Variants in SORCS3 observed in about 807,000 individuals in gnomAD.
The protein encoded by SORCS3 is VPS10 domain-containing receptor SorCS3.
A neutral mutation model predicts 146.3 loss-of-function variants in SORCS3; 57 were observed. That is an observed-to-expected ratio of 0.39 (90% CI 0.31 to 0.49). The LOEUF (loss-of-function observed/expected upper bound fraction) is 0.49, where lower values mean the gene tolerates loss of function less well. Among genes scored for constraint, SORCS3 ranks in the 20% least tolerant of loss-of-function variants. The pLI is 0.92. For synonymous variants in SORCS3, 653 were observed against 618.5 expected (o/e 1.06, Z -0.83); for missense variants, 1,341 against 1,575.5 (o/e 0.85, Z 2.52).
intron 1 of SORCS3, among the ~76,000 whole-genome samples, chr10:104,818,408 C>CCTTCCTTCCTTCCTTCCTTCCTTCCT (rs1564690841): frequency 1.3e-5 from 2 of 150,618 alleles, no homozygotes; most frequent in African/African-American, 2.5e-5. Flanking sequence ...TTCCTTCTTT[C>CCTTCCTTCCTTCCTTCCTTCCTTCCT]TCTCTTTTTT....
intron 7 of SORCS3, among the ~76,000 whole-genome samples, chr10:105,130,237 G>A (rs531272684): frequency 6.6e-6 from 1 of 152,188 alleles, no homozygotes; most frequent in African/African-American, 2.4e-5. Flanking sequence ...TGGTATGAGC[G>A]GGATTTAAAC....
intron 1 of SORCS3, among the ~76,000 whole-genome samples, chr10:104,742,991 T>C (rs1018808619): frequency 1.3e-5 from 2 of 152,252 alleles, no homozygotes; most frequent in Admixed American, 6.5e-5. Flanking sequence ...TAATAATTCT[T>C]GAAATCAGAA....
chr10:105,152,317 T>A (rs2056173475), intron 9 of SORCS3, among the ~76,000 whole-genome samples: 1 of 152,186 alleles, frequency 6.6e-6, no homozygotes, highest in Non-Finnish European at 1.5e-5. Flanking sequence ...TTTTATAAAG[T>A]AAAAAACAAA....
intron 25 of SORCS3, among the ~76,000 whole-genome samples, chr10:105,258,780 G>T (rs1253285963): frequency 6.6e-6 from 1 of 152,100 alleles, no homozygotes; most frequent in Non-Finnish European, 1.5e-5. Flanking sequence ...GTAGTTCCCA[G>T]GTATCAGCCC....
At chr10:104,918,740 C>T (rs915487839) in intron 3 of SORCS3, among the ~76,000 whole-genome samples, 3 of 152,094 alleles carry the variant, frequency 2.0e-5, no homozygotes, top group African/African-American at 7.2e-5. Flanking sequence ...GCACTTTGGG[C>T]GAAGCAAGAA....
chr10:104,700,976 G>T (rs940689080), intron 1 of SORCS3, among the ~76,000 whole-genome samples: 3 of 152,174 alleles, frequency 2.0e-5, no homozygotes, highest in African/African-American at 7.2e-5. Context: ...TTATTGCTTA[G>T]CCTTCAGAAG....
rs994874156 is a variant in SORCS3 at position 105,243,061 on chromosome 10, TTA to T, written c.2869-2473_2869-2472del. Among the ~76,000 whole-genome samples the T allele has an allele frequency of 5.1e-5, 7 of 137,356 alleles. No homozygotes were observed. The East Asian group carries it at 1.2e-3, about 24-fold the overall frequency. The allele number at this position is 137,356 out of a possible 152,430, so 90.1% of individuals were successfully genotyped here. On this transcript the variant is annotated intron_variant, in intron 20 of 26. Transcript: ENST00000369701. ...CATATATTTATATATATTTATATAT[TTA>T]TATATATTTATATATATATATTTAG...
intron 4 of SORCS3, among the ~76,000 whole-genome samples, chr10:105,017,738 A>G (rs1490148245): frequency 2.0e-5 from 3 of 152,072 alleles, no homozygotes; most frequent in Non-Finnish European, 4.4e-5. Context: ...TTATCCCTTA[A>G]ACTTTGCTCA....
At chr10:104,873,652 G>A (rs1437682438) in intron 2 of SORCS3, among the ~76,000 whole-genome samples, 1 of 152,028 alleles carries the variant, frequency 6.6e-6, no homozygotes, top group Non-Finnish European at 1.5e-5. Context: ...TATAATTGTG[G>A]CATATCTTTA....
chr10:105,252,426 G>C (rs1202287467), intron 22 of SORCS3, among the ~76,000 whole-genome samples: 3 of 152,166 alleles, frequency 2.0e-5, no homozygotes, highest in Non-Finnish European at 4.4e-5. Context: ...TTTGCACCCA[G>C]CCTGTGTTTC....
In SORCS3 at chr10:105,262,429, C is replaced by T. The variant is rs1031638025; in HGVS notation, c.3542C>T (p.Thr1181Ile). ...VSQSENAPKITLSDFTEPEEL... is the reference protein window; with the variant it reads ...VSQSENAPKIILSDFTEPEEL... Reference sequence around the variant, plus strand: ...CAAAGTGAAAACGCCCCCAAAATCACACTCAGTGACTTTACGGAGCCTGAG... The same window carrying T: ...CAAAGTGAAAACGCCCCCAAAATCATACTCAGTGACTTTACGGAGCCTGAG... Residue 1181 changes from threonine (T) to isoleucine (I), a missense_variant, in exon 26 of 27, where the codon ACA becomes ATA. Physicochemically the swap from Thr to Ile is moderately conservative, Grantham distance 89 (BLOSUM62 -1). Coordinates refer to ENST00000369701, the MANE Select transcript of SORCS3 (RefSeq NM_014978.3). 6.2e-7 allele frequency: 1 copy of T among 1,614,110 alleles called. No individual in the cohort carries two copies. The highest frequency in any genetic ancestry group is 8.5e-7 in the Non-Finnish European group (1 of 1,179,978).
intron 5 of SORCS3, among the ~76,000 whole-genome samples, chr10:105,075,620 G>A (rs1109595): frequency 1.3e-5 from 2 of 151,652 alleles, no homozygotes; most frequent in African/African-American, 4.8e-5. Flanking sequence ...TAATATACTT[G>A]CTTCATTAGT....
chr10:104,878,225 G>A (rs2018596204), intron 2 of SORCS3, among the ~76,000 whole-genome samples: 1 of 152,068 alleles, frequency 6.6e-6, no homozygotes, highest in Non-Finnish European at 1.5e-5. Flanking sequence ...TACAGATGTG[G>A]ACAAGACATT....
chr10:105,103,083 A>C (rs1405726085), intron 6 of SORCS3, among the ~76,000 whole-genome samples: 1 of 152,104 alleles, frequency 6.6e-6, no homozygotes, highest in Admixed American at 6.6e-5. Flanking sequence ...GAAATTTAAC[A>C]TTTAAAAAAT....
At chr10:104,676,082 A>T (rs1435460394) in intron 1 of SORCS3, among the ~76,000 whole-genome samples, 1 of 152,222 alleles carries the variant, frequency 6.6e-6, no homozygotes, top group Non-Finnish European at 1.5e-5. Flanking sequence ...GTGGGAATTT[A>T]AAATTTTTCA....
chr10:105,147,617 G>A lies in SORCS3; in HGVS notation c.1303G>A (p.Asp435Asn), dbSNP rs2056140232. The A allele has an allele frequency of 6.2e-7, 1 of 1,605,746 alleles. No homozygotes were observed. The highest frequency in any genetic ancestry group is 1.1e-5 in the South Asian group (1 of 89,902). Reference sequence around the variant, plus strand: ...TTACAAGCCTTCCATCTTCTTTCAGGACATGCACATCATCAGTACAGACGA... The same window carrying A: ...TTACAAGCCTTCCATCTTCTTTCAGAACATGCACATCATCAGTACAGACGA... ...IKLPKYSLPK[D>N]MHIISTDENQ... Residue 435 changes from aspartate to asparagine, a missense_variant and splice_region_variant, in exon 9 of 27, where the codon GAC becomes AAC. Transcript: ENST00000369701.
intron 5 of SORCS3, among the ~76,000 whole-genome samples, chr10:105,073,375 C>T (rs114830851): frequency 1.3e-5 from 2 of 152,294 alleles, no homozygotes; most frequent in African/African-American, 4.8e-5. Flanking sequence ...GTTTCTCCTG[C>T]TTAGAGAATG....
intron 20 of SORCS3, among the ~76,000 whole-genome samples, chr10:105,227,409 T>C (rs1193277124): frequency 6.6e-6 from 1 of 152,154 alleles, no homozygotes; most frequent in Non-Finnish European, 1.5e-5. Flanking sequence ...TCTGAGAAGA[T>C]ACTTGATATG....
chr10:104,723,228 C>G (rs1353959157), intron 1 of SORCS3, among the ~76,000 whole-genome samples: 2 of 152,150 alleles, frequency 1.3e-5, no homozygotes, highest in African/African-American at 4.8e-5. Context: ...GCCTTCATTT[C>G]ATTATGTACC....
Sources: allele counts gnomAD v4.1 joint callset (sites outside exome capture counted in the v4.1 genomes callset), GRCh38; gene constraint gnomAD v4.1.1; transcripts MANE v1.5; gene names NCBI Gene and HGNC (gene_info 2026-07-23, HGNC 2026-07-21).